Variants in POLR1C observed in about 807,000 individuals in gnomAD.
The protein encoded by POLR1C is DNA-directed RNA polymerases I and III subunit RPAC1.
POLR1C carries 42 observed loss-of-function variants against 38.3 expected under a neutral mutation model. The observed-to-expected ratio is 1.10, with a 90% CI of 0.86 to 1.42. POLR1C has a LOEUF of 1.42. Ranked by LOEUF, POLR1C falls within the 40% of genes most tolerant of loss-of-function variation. POLR1C has a pLI of 0.00. For synonymous variants in POLR1C, 163 were observed against 163.9 expected (o/e 0.99, Z 0.04); for missense variants, 507 against 450.5 (o/e 1.13, Z -1.14).
intron 9 of POLR1C, among the ~76,000 whole-genome samples, chr6:43,535,980 G>A (rs1322219033): frequency 1.3e-5 from 2 of 150,694 alleles, no homozygotes; most frequent in African/African-American, 4.9e-5. Flanking sequence ...AAAATTAGAC[G>A]AGTATGGCGG....
At chr6:43,546,007 G>A (rs1166222275) in intron 9 of POLR1C, among the ~76,000 whole-genome samples, 1 of 152,102 alleles carries the variant, frequency 6.6e-6, no homozygotes, top group Non-Finnish European at 1.5e-5. Flanking sequence ...TTCTGCCTTT[G>A]AAATAAGCTC....
chr6:43,522,134 A>G (rs575502844), downstream of POLR1C, among the ~76,000 whole-genome samples: 6 of 152,332 alleles, frequency 3.9e-5, no homozygotes, highest in East Asian at 1.2e-3. Context: ...CACGAAAGAC[A>G]CTGTGAGAAT....
chr6:43,519,772 C>G lies in POLR1C; in HGVS notation c.316C>G (p.Leu106Val), dbSNP rs1219150489. The G allele has an allele frequency of 1.2e-6, 2 of 1,614,134 alleles. No homozygotes were observed. The highest frequency in any genetic ancestry group is 2.2e-5 in the South Asian group (2 of 91,076). Residue 106 changes from leucine to valine, a missense_variant, in exon 4 of 9, where the codon CTT (leucine) becomes GTT (valine). Leu to Val is a conservative substitution (Grantham distance 32). Transcript: ENST00000642195. ...TACATCCATTGTTCAGGATGAGATT[C>G]TTGCTCACCGTCTGGGGCTCATTCC... ...NNTSIVQDEI[L>V]AHRLGLIPIH...
chr6:43,530,348 TGA>T (rs1276815593), downstream of POLR1C, among the ~76,000 whole-genome samples: 2 of 151,024 alleles, frequency 1.3e-5, no homozygotes, highest in African/African-American at 4.9e-5. Flanking sequence ...AGCTTGAACC[TGA>T]GAGGCAGAAG....
At chr6:43,528,127 T>C in intron 8 of POLR1C, 1 of 1,574,408 alleles carries the variant, frequency 6.4e-7, no homozygotes, top group South Asian at 1.2e-5. Context: ...TGCCAGTTCA[T>C]CCACCAAGAA....
chr6:43,535,904 C>A (rs548290672), intron 9 of POLR1C, among the ~76,000 whole-genome samples: 1 of 151,738 alleles, frequency 6.6e-6, no homozygotes, highest in East Asian at 1.9e-4. Context: ...CGGAGAATCA[C>A]CTGAGGCCAG....
intron 10 of POLR1C, chr6:43,558,455 G>A (rs374011542): frequency 1.1e-3 from 1,693 of 1,489,796 alleles, no homozygotes; most frequent in Non-Finnish European, 1.5e-3. Flanking sequence ...AATACTAGAT[G>A]CCATTCTGAG....
chr6:43,530,583 TCTTC>T, downstream of POLR1C: 1 of 1,346,310 alleles, frequency 7.4e-7, no homozygotes, highest in East Asian at 2.3e-5. Context: ...TAATCTCATC[TCTTC>T]CTTCCAGTTC....
intron 9 of POLR1C, chr6:43,547,533 G>A: frequency 7.2e-7 from 1 of 1,396,486 alleles, no homozygotes; most frequent in Non-Finnish European, 1.0e-6. Flanking sequence ...ACAAATCTAT[G>A]AGAAACTTGA....
In POLR1C at chr6:43,520,944, C is replaced by T; in HGVS notation, c.818C>T (p.Ala273Val). 1.9e-6 allele frequency: 3 copies of T among 1,613,934 alleles called. No homozygotes were observed. The highest frequency in any genetic ancestry group is 2.5e-6 in the Non-Finnish European group (3 of 1,179,876). ...EVQEVQGKKV[A>V]RVANPRLDTF... ...TTGTTCTCATTAGGTAAAAAGGTGG[C>T]CAGAGTTGCCAACCCCCGGCTGGAT... Residue 273 changes from alanine to valine, a missense_variant, in exon 8 of 9, where the codon GCC becomes GTC. Physicochemically the swap from Ala to Val is moderately conservative, Grantham distance 64 (BLOSUM62 0). Coordinates refer to ENST00000642195, the MANE Select transcript of POLR1C (RefSeq NM_203290.4).
At chr6:43,556,213 C>T (rs1333827749) in intron 10 of POLR1C, 2 of 405,964 alleles carry the variant, frequency 4.9e-6, no homozygotes, top group African/African-American at 4.0e-5. Flanking sequence ...CTTAGTCTCC[C>T]ATTTCTGTTT....
chr6:43,546,636 TG>T, intron 9 of POLR1C: 1 of 1,614,014 alleles, frequency 6.2e-7, no homozygotes, highest in Non-Finnish European at 8.5e-7. Context: ...TACGGAAGAT[TG>T]GATTTCCACT....
intron 10 of POLR1C, among the ~76,000 whole-genome samples, chr6:43,551,732 T>C (rs943739786): frequency 1.2e-4 from 19 of 152,178 alleles, no homozygotes; most frequent in African/African-American, 3.4e-4. Context: ...AGTGTTGTTA[T>C]GTCGACCAGG....
chr6:43,547,583 C>A, intron 9 of POLR1C: 1 of 1,610,956 alleles, frequency 6.2e-7, no homozygotes, highest in Non-Finnish European at 8.5e-7. Flanking sequence ...GCCAATGCCA[C>A]TTCCCATTCC....
At chr6:43,541,995 G>A (rs1319171397) in intron 9 of POLR1C, among the ~76,000 whole-genome samples, 1 of 152,002 alleles carries the variant, frequency 6.6e-6, no homozygotes, top group African/African-American at 2.4e-5. Context: ...GGCCACACTG[G>A]TCTTGAACTC....
At chr6:43,551,020 T>A (rs1167297088) in intron 10 of POLR1C, 1 of 251,532 alleles carries the variant, frequency 4.0e-6, no homozygotes, top group African/African-American at 2.2e-5. Flanking sequence ...CAGTAAGTAC[T>A]GAGTAGATAT....
downstream of POLR1C, chr6:43,523,482 C>T (rs1028915233): frequency 1.9e-5 from 7 of 369,076 alleles, no homozygotes; most frequent in East Asian, 1.4e-4. Flanking sequence ...GCTCTTGCTG[C>T]GAGCCTTGCT....
At chr6:43,528,805 C>G (rs1260182878) in intron 8 of POLR1C, 1 of 1,608,512 alleles carries the variant, frequency 6.2e-7, no homozygotes, top group Non-Finnish European at 8.5e-7. Flanking sequence ...CTCTTTGCTT[C>G]CTGTTCCTGA....
intron 8 of POLR1C, chr6:43,528,798 T>G (rs761209381): frequency 3.5e-5 from 56 of 1,603,250 alleles, no homozygotes; most frequent in Non-Finnish European, 4.6e-5. Flanking sequence ...AATAGTACTC[T>G]TTGCTTCCTG....
Sources: allele counts gnomAD v4.1 joint callset (sites outside exome capture counted in the v4.1 genomes callset), GRCh38; gene constraint gnomAD v4.1.1; transcripts MANE v1.5; gene names NCBI Gene and HGNC (gene_info 2026-07-23, HGNC 2026-07-21).